UGT2A1: variants seen among roughly 807,000 people sequenced by gnomAD.
UGT2A1 encodes the protein UDP glucuronosyltransferase family 2 member A1 complex locus.
In UGT2A1, 61 loss-of-function variants were observed where a neutral mutation model predicts 45.4. That is an observed-to-expected ratio of 1.34 (90% CI 1.09 to 1.66). The LOEUF (loss-of-function observed/expected upper bound fraction) is 1.66, where lower values mean the gene tolerates loss of function less well. Among genes scored for constraint, UGT2A1 ranks in the 40% most tolerant of loss-of-function variants. The probability of loss-of-function intolerance (pLI) is 0.00; values close to 1 mark genes in which losing one functional copy is unlikely to be tolerated. For missense variants in UGT2A1, 649 were observed against 574.3 expected (o/e 1.13, Z -1.33); for synonymous variants, 229 against 196.2 (o/e 1.17, Z -1.40).
chr4:69,594,801 G>T, intron 5 of UGT2A1, 105 bp from the exon 6 acceptor site: 1 of 1,350,432 alleles, frequency 7.4e-7, no homozygotes, highest in Non-Finnish European at 1.0e-6. Context: ...TCTAAAGAAG[G>T]ATACGTTTTC....
chr4:69,649,935 G>A (rs1722445386), intron 1 of UGT2A1, among the ~76,000 whole-genome samples: 1 of 152,104 alleles, frequency 6.6e-6, no homozygotes, highest in Non-Finnish European at 1.5e-5. Context: ...ATGAGAGGGA[G>A]TGGGTGGAGT....
At chr4:69,608,113 A>G (rs1719776412) in intron 3 of UGT2A1, among the ~76,000 whole-genome samples, 1 of 152,192 alleles carries the variant, frequency 6.6e-6, no homozygotes, top group South Asian at 2.1e-4. Flanking sequence ...ATAAAGACCC[A>G]TGCACACGTA....
Position 69,647,516 on chromosome 4 carries a change from G to C in UGT2A1, c.129C>G (p.Leu43=). 1 of 1,612,864 alleles carries C rather than the reference G, an allele frequency of 6.2e-7. No individual in the cohort carries two copies. Among genetic ancestry groups the C allele is most frequent in the Non-Finnish European group, 8.5e-7 (1 of 1,179,288 alleles). ...CAGTCACATTATGCTCCTTTTTAATGAGCTCATCTATAATTATCTTAACAT... is the reference window on the plus strand; with the variant it reads ...CAGTCACATTATGCTCCTTTTTAATCAGCTCATCTATAATTATCTTAACAT... ...WLNVKIIIDE[L]IKKEHNVTVL... is the part of the protein sequence containing the mutation. The change falls in exon 2 of 7, where the codon CTC becomes CTG. Residue 43 remains leucine (L), a synonymous_variant. Coordinates refer to ENST00000286604, the MANE Select transcript of UGT2A1 (RefSeq NM_001252275.3).
chr4:69,640,988 T>A (rs970188529), intron 2 of UGT2A1, among the ~76,000 whole-genome samples: 1 of 151,858 alleles, frequency 6.6e-6, no homozygotes, highest in Non-Finnish European at 1.5e-5. Flanking sequence ...AGCAAAACAT[T>A]ATAGAAAACA....
At chr4:69,651,121 C>T (rs1364507779) in intron 1 of UGT2A1, among the ~76,000 whole-genome samples, 3 of 152,138 alleles carry the variant, frequency 2.0e-5, no homozygotes, top group Non-Finnish European at 4.4e-5. Context: ...AAAAATTTCT[C>T]ACACTAGTGA....
chr4:69,589,385 T>G lies in UGT2A1; in HGVS notation c.1571A>C (p.Lys524Thr). The change falls in exon 7 of 7, where the codon AAA becomes ACA. Residue 524 changes from lysine to threonine, a missense_variant. Physicochemically the swap from Lys to Thr is moderately conservative, Grantham distance 78. Transcript: ENST00000286604. ...CQKFGKIGKKKKRE is the reference protein window; with the variant it reads ...CQKFGKIGKKTKRE ...CTTTTTCTTGACCTATTCTCTTTTT[T>G]TCTTCTTTCCTATCTTACCAAATTT... The G allele has an allele frequency of 6.2e-7, 1 of 1,611,358 alleles. No homozygotes were observed. The highest frequency in any genetic ancestry group is 1.1e-5 in the South Asian group (1 of 90,772).
At chr4:69,644,252 A>G (rs1300900784) in intron 2 of UGT2A1, among the ~76,000 whole-genome samples, 2 of 151,724 alleles carry the variant, frequency 1.3e-5, no homozygotes, top group African/African-American at 4.8e-5. Context: ...AAAATGGAAC[A>G]TGTGATTCTG....
At chr4:69,620,195 C>G (rs931827034) in intron 3 of UGT2A1, among the ~76,000 whole-genome samples, 21 of 151,946 alleles carry the variant, frequency 1.4e-4, no homozygotes, top group African/African-American at 4.1e-4. Context: ...GTCAAACTTT[C>G]CTGGTTCACA....
rs746698012 is a variant in UGT2A1 at position 69,647,404 on chromosome 4, C to A, written c.241G>T (p.Glu81Ter). 2 of 1,612,880 alleles carry A rather than the reference C, an allele frequency of 1.2e-6. No homozygotes were observed. Among genetic ancestry groups the A allele is most frequent in the African/African-American group, 2.7e-5 (2 of 74,848 alleles). ...FEIYKVPFGKERIEGVIKDFV... is the reference protein window; with the variant it reads ...FEIYKVPFGK ...TCCTTAATTACTCCTTCTATTCTTT[C>A]TTTGCCAAAGGGCACCTTATATATT... Residue 81 changes from glutamate to a stop codon, truncating the protein, a stop_gained, in exon 2 of 7, where the codon GAA (glutamate) becomes TAA (stop). Coordinates refer to ENST00000286604, the MANE Select transcript of UGT2A1 (RefSeq NM_001252275.3). LOFTEE classifies it high-confidence loss of function.
chr4:69,628,270 T>G (rs1377109653), intron 3 of UGT2A1, among the ~76,000 whole-genome samples: 3 of 141,024 alleles, frequency 2.1e-5, no homozygotes, highest in Non-Finnish European at 4.6e-5. Flanking sequence ...AAACCAAAAT[T>G]TATATGGAGC....
Position 69,599,376 on chromosome 4 carries a change from C to T in UGT2A1, c.866G>A (p.Cys289Tyr). ...AATTTCAGCTTTCCCCATAGTCTCA[C>T]ATAACGTAGTGGGTCTTCCTGGAGA... Reference protein sequence around the residue: ...RLPAGRPTTLCETMGKAEIWL... With the variant: ...RLPAGRPTTLYETMGKAEIWL... The change falls in exon 4 of 7, where the codon TGT (cysteine) becomes TAT (tyrosine). Residue 289 changes from cysteine to tyrosine, a missense_variant. Physicochemically the swap from Cys to Tyr is radical, Grantham distance 194 (BLOSUM62 -2). Transcript: ENST00000286604. The T allele has an allele frequency of 3.7e-6, 6 of 1,613,550 alleles. No individual in the cohort carries two copies. Among genetic ancestry groups the T allele is most frequent in the South Asian group, 1.1e-5 (1 of 91,020 alleles).
chr4:69,640,647 A>G (rs1456276618), intron 2 of UGT2A1, among the ~76,000 whole-genome samples: 1 of 151,898 alleles, frequency 6.6e-6, no homozygotes, highest in East Asian at 1.9e-4. Context: ...AGATTAGAAA[A>G]TAAGTGACAG....
rs1171270173 is a variant in UGT2A1, at chr4:69,599,337, G to C, written c.905C>G (p.Thr302Arg). 2.5e-6 allele frequency: 4 copies of C among 1,613,656 alleles called. No homozygotes were observed. The African/African-American group carries it at 5.3e-5, about 22-fold the overall frequency. Reference sequence around the variant, plus strand: ...ACGAGGAAATTCAAAATCCCAATATGTTCGGATTAACCAAATTTCAGCTTT... The same window carrying C: ...ACGAGGAAATTCAAAATCCCAATATCTTCGGATTAACCAAATTTCAGCTTT... Reference protein sequence around the residue: ...MGKAEIWLIRTYWDFEFPRPY... With the variant: ...MGKAEIWLIRRYWDFEFPRPY... The change falls in exon 4 of 7, where the codon ACA (threonine) becomes AGA (arginine). Residue 302 changes from threonine (T) to arginine (R), a missense_variant. By Grantham distance (71) the Thr-to-Arg change is moderately conservative. Coordinates refer to ENST00000286604, the MANE Select transcript of UGT2A1 (RefSeq NM_001252275.3).
At chr4:69,596,011 T>C (rs191804735) in intron 4 of UGT2A1, among the ~76,000 whole-genome samples, 29 of 152,290 alleles carry the variant, frequency 1.9e-4, no homozygotes, top group Non-Finnish European at 3.1e-4. Flanking sequence ...TCTATTCCAT[T>C]AAAAATAAAT....
At chr4:69,611,277 T>TGAGC in intron 3 of UGT2A1, among the ~76,000 whole-genome samples, 1 of 101,250 alleles carries the variant, frequency 9.9e-6, no homozygotes, top group Middle Eastern at 5.7e-3. Flanking sequence ...TCCCAGTAGG[T>TGAGC]CACCTCCAAG....
chr4:69,592,307 T>C (rs1718637797), intron 6 of UGT2A1, among the ~76,000 whole-genome samples: 1 of 151,936 alleles, frequency 6.6e-6, no homozygotes, highest in Non-Finnish European at 1.5e-5. Context: ...TAAAGCAAGT[T>C]TAAAGCACCC....
intron 3 of UGT2A1, chr4:69,599,793 T>A: frequency 6.5e-6 from 1 of 153,422 alleles, no homozygotes; most frequent in Non-Finnish European, 1.4e-5. Context: ...GGAGGGAGGA[T>A]TTTTTGTTAG....
rs1431713973 is a variant in UGT2A1 at position 69,638,180 on chromosome 4, T to C, written c.716-2358A>G. On this transcript the variant is annotated intron_variant, in intron 2 of 6. Coordinates refer to ENST00000286604, the MANE Select transcript of UGT2A1 (RefSeq NM_001252275.3). ...TGTTAATTCCTGCTATTGATTAGTG[T>C]CCCGAGTACTAAGAGATCTGGAGGC... Among the ~76,000 whole-genome samples, 3 of 152,022 alleles carry C rather than the reference T, an allele frequency of 2.0e-5. No homozygotes were observed. In the East Asian group the frequency reaches 5.8e-4, roughly 29 times the overall value.
At chr4:69,637,981 C>T (rs1489805387) in intron 2 of UGT2A1, among the ~76,000 whole-genome samples, 1 of 110,384 alleles carries the variant, frequency 9.1e-6, no homozygotes, top group Non-Finnish European at 1.9e-5. Flanking sequence ...AAAAGGAAGG[C>T]AAGAAGGAAG....
Sources: gnomAD v4.1 joint callset for allele counts (sites outside exome capture counted in the v4.1 genomes callset) on GRCh38, gnomAD v4.1.1 for gene constraint, MANE v1.5 for transcripts, NCBI Gene and HGNC (gene_info 2026-07-23, HGNC 2026-07-21) for gene names.